Variants in GNB5 observed in about 807,000 individuals in gnomAD.
The protein encoded by GNB5 is guanine nucleotide-binding protein subunit beta-5.
A neutral mutation model predicts 55.3 loss-of-function variants in GNB5; 37 were observed. The observed-to-expected ratio is 0.67, with a 90% CI of 0.51 to 0.88. GNB5 has a LOEUF of 0.88. GNB5 is among the 40% of genes least tolerant of loss of function. GNB5 has a pLI of 0.00. For synonymous variants in GNB5, 219 were observed against 198.5 expected, an observed-to-expected ratio of 1.10 and a Z score of -0.87; for missense variants, 476 against 515.3, an observed-to-expected ratio of 0.92 and a Z score of 0.74.
Position 52,117,950 on chromosome 15 carries a change from G to A in GNB5, c.*4807C>T, listed in dbSNP as rs1448630624. The A allele has an allele frequency of 6.6e-6, 1 of 152,490 alleles. No individual in the cohort carries two copies. 9.4% of individuals were successfully genotyped at this position (152,490 alleles called of 1,614,324 possible). A position where few individuals can be genotyped will look rare whatever the true frequency, so the allele number is the denominator to read the frequency against. On this transcript the variant is annotated 3_prime_UTR_variant, in exon 13 of 13. Transcript: ENST00000261837. ...AATCCCCACTCAATCAGCTCTTCCA[G>A]GCTTGGGAATGGCCTGGGCCTCAGC...
intron 3 of GNB5, among the ~76,000 whole-genome samples, chr15:52,154,379 A>C (rs1394399639): frequency 6.6e-6 from 1 of 152,210 alleles, no homozygotes; most frequent in Non-Finnish European, 1.5e-5. Flanking sequence ...ATATTCATAA[A>C]GCACTACATA....
At chr15:52,145,765 A>T (rs2033960559) in intron 6 of GNB5, among the ~76,000 whole-genome samples, 1 of 152,142 alleles carries the variant, frequency 6.6e-6, no homozygotes, top group Non-Finnish European at 1.5e-5. Flanking sequence ...GGGAAGGGAC[A>T]CTGGAGAAGA....
chr15:52,128,855 C>T (rs1299516075), intron 9 of GNB5: 2 of 415,788 alleles, frequency 4.8e-6, no homozygotes, highest in African/African-American at 2.0e-5. Context: ...GAAATATGGG[C>T]CCTAAATTAT....
chr15:52,129,068 G>A (rs920460810), intron 9 of GNB5, among the ~76,000 whole-genome samples: 2 of 150,792 alleles, frequency 1.3e-5, no homozygotes, highest in Non-Finnish European at 2.9e-5. Flanking sequence ...CGATTCTCAT[G>A]CCTCAGCCTC....
chr15:52,171,164 T>C (rs1475427698), intron 3 of GNB5, among the ~76,000 whole-genome samples: 2 of 151,710 alleles, frequency 1.3e-5, no homozygotes, highest in African/African-American at 4.8e-5. Context: ...ATTAAAAGTT[T>C]GGAGAATTAA....
chr15:52,149,785 G>T, intron 5 of GNB5, 99 bp downstream of exon 5: 1 of 859,870 alleles, frequency 1.2e-6, no homozygotes, highest in Non-Finnish European at 2.0e-6. Flanking sequence ...AGGGATACAT[G>T]GAGAGAAATC....
intron 3 of GNB5, among the ~76,000 whole-genome samples, chr15:52,155,566 A>C (rs370404192): frequency 6.6e-6 from 1 of 152,258 alleles, no homozygotes; most frequent in African/African-American, 2.4e-5. Flanking sequence ...TATTGTCCAA[A>C]TAATAACCTT....
In GNB5 at chr15:52,139,899, C is replaced by A. The variant is rs918533475; in HGVS notation, c.627+1241G>T. ...GTCTCCACAGAGGGGCTTCAGATGC[C>A]TGATGGTCGTGGTAGCCCCCTGAGC... On this transcript the variant is annotated intron_variant, in intron 7 of 12. Transcript: ENST00000261837. 8 of 1,286,714 alleles carry A rather than the reference C, an allele frequency of 6.2e-6. No homozygotes were observed. In the African/African-American group the frequency reaches 1.2e-4, roughly 20 times the overall value. The allele number at this position is 1,286,714 out of a possible 1,614,324, so 79.7% of individuals were successfully genotyped here. A position where few individuals can be genotyped will look rare whatever the true frequency, so the allele number is the denominator to read the frequency against.
chr15:52,173,200 G>T (rs1322335914), intron 3 of GNB5, among the ~76,000 whole-genome samples: 1 of 152,188 alleles, frequency 6.6e-6, no homozygotes, highest in African/African-American at 2.4e-5. Flanking sequence ...AGAGAGTGAT[G>T]AAGTGAACAA....
At chr15:52,131,221 A>G (rs2141188702) in intron 9 of GNB5, among the ~76,000 whole-genome samples, 2 of 152,366 alleles carry the variant, frequency 1.3e-5, no homozygotes, top group South Asian at 2.1e-4. Flanking sequence ...TATTCTAAAA[A>G]AGAAAAAGGA....
chr15:52,153,432 C>A (rs982831779), intron 4 of GNB5, among the ~76,000 whole-genome samples: 1 of 151,992 alleles, frequency 6.6e-6, no homozygotes, highest in Non-Finnish European at 1.5e-5. Context: ...AGAAACCATG[C>A]GAGATAATTA....
At chr15:52,158,050 G>A (rs2034252718) in intron 3 of GNB5, among the ~76,000 whole-genome samples, 1 of 151,828 alleles carries the variant, frequency 6.6e-6, no homozygotes, top group Admixed American at 6.6e-5. Context: ...TAACCAGCTG[G>A]TTTCTATAAT....
intron 4 of GNB5, among the ~76,000 whole-genome samples, chr15:52,151,132 T>C (rs544054328): frequency 5.3e-4 from 80 of 152,286 alleles, no homozygotes; most frequent in Non-Finnish European, 9.4e-4. Flanking sequence ...GTTCTTCTGG[T>C]CTAATTCTGC....
intron 3 of GNB5, among the ~76,000 whole-genome samples, chr15:52,177,897 G>A (rs1200975775): frequency 2.6e-5 from 4 of 152,132 alleles, no homozygotes; most frequent in East Asian, 1.9e-4. Context: ...CCCTTCCACT[G>A]TGGGTCTAAA....
chr15:52,133,420 A>G lies in GNB5; in HGVS notation c.821T>C (p.Val274Ala). The change falls in exon 9 of 13, where the codon GTG becomes GCG. Residue 274 changes from valine (V) to alanine (A), a missense_variant. Coordinates refer to ENST00000261837, the MANE Select transcript of GNB5 (RefSeq NM_016194.4). ...MVWDMRSGQC[V>A]QAFETHESDI... ...AGATTCATGTGTTTCAAAGGCCTGCACGCACTGGCCGGAGCGCATGTCCCA... is the reference window on the plus strand; with the variant it reads ...AGATTCATGTGTTTCAAAGGCCTGCGCGCACTGGCCGGAGCGCATGTCCCA... 2 of 1,613,062 alleles carry G rather than the reference A, an allele frequency of 1.2e-6. No homozygotes were observed. Among genetic ancestry groups the G allele is most frequent in the Non-Finnish European group, 1.7e-6 (2 of 1,178,964 alleles).
At position 52,147,587 on chromosome 15, in the gene GNB5, T is replaced by C. The variant is rs1387814789; in HGVS notation, c.418-52A>G. ...TAGCACTTCCACACAAAAATCTTTT[T>C]TTTTTTTCTTTTTTTTTGAGATGGA... On this transcript the variant is annotated intron_variant, in intron 5 of 12. Coordinates refer to ENST00000261837, the MANE Select transcript of GNB5 (RefSeq NM_016194.4). 9.4e-6 allele frequency: 9 copies of C among 952,390 alleles called. No homozygotes were observed. The East Asian group carries it at 2.2e-4, about 23-fold the overall frequency. The allele number at this position is 952,390 out of a possible 1,614,324, so 59.0% of individuals were successfully genotyped here. A position where few individuals can be genotyped will look rare whatever the true frequency, so the allele number is the denominator to read the frequency against.
chr15:52,137,209 G>A (rs2033745067), intron 7 of GNB5: 1 of 1,154,434 alleles, frequency 8.7e-7, no homozygotes, highest in African/African-American at 1.6e-5. Context: ...TTGCTTGGTT[G>A]CAAGTATTTC....
At chr15:52,136,061 C>A (rs900537963) in intron 7 of GNB5, among the ~76,000 whole-genome samples, 2 of 88,698 alleles carry the variant, frequency 2.3e-5, no homozygotes, top group Admixed American at 3.1e-4. Context: ...CAGGGAAAAG[C>A]AGAACACACA....
At chr15:52,169,538 C>CAAAAAAAAAAAAAAAAAA (rs60470864) in intron 3 of GNB5, among the ~76,000 whole-genome samples, 2 of 71,496 alleles carry the variant, frequency 2.8e-5, no homozygotes, top group Non-Finnish European at 4.9e-5. Context: ...GACTCTGTCT[C>CAAAAAAAAAAAAAAAAAA]AAAAAAAAAA....
Sources: allele counts gnomAD v4.1 joint callset (sites outside exome capture counted in the v4.1 genomes callset), GRCh38; gene constraint gnomAD v4.1.1; transcripts MANE v1.5; gene names NCBI Gene and HGNC (gene_info 2026-07-23, HGNC 2026-07-21).